The following CCNY variants were observed in gnomAD, a reference collection of about 807,000 sequenced individuals.
CCNY encodes the protein cyclin-Y.
In CCNY, 19 loss-of-function variants were observed where a neutral mutation model predicts 42.8. The ratio of observed to expected loss-of-function variants is 0.44; its 90% CI spans 0.31 to 0.65. The LOEUF (loss-of-function observed/expected upper bound fraction) is 0.65. Ranked by LOEUF, CCNY falls within the 30% of genes least tolerant of loss-of-function variation. The pLI, the probability that CCNY is intolerant of heterozygous loss-of-function variation, is 0.07. For missense variants in CCNY, 370 were observed against 437.3 expected (o/e 0.85, Z 1.37); for synonymous variants, 165 against 162.7 (o/e 1.01, Z -0.11).
chr10:35,534,322 C>T lies in CCNY; in HGVS notation c.579+4079C>T, dbSNP rs112540710. Among the ~76,000 whole-genome samples the T allele has an allele frequency of 3.4e-3, 512 of 152,324 alleles. 4 individuals are homozygous for T. The highest frequency in any genetic ancestry group is 0.012 in the African/African-American group (482 of 41,566). ...CAGGCGTGCGCCACCACACCCAGCCCTGCTTAAGCTTTCTGAAGGGACAGA... is the reference window on the plus strand; with the variant it reads ...CAGGCGTGCGCCACCACACCCAGCCTTGCTTAAGCTTTCTGAAGGGACAGA... On this transcript the variant is annotated intron_variant, in intron 7 of 9. Transcript: ENST00000374704.
At chr10:35,386,541 A>C (rs1837303205) in intron 1 of CCNY, among the ~76,000 whole-genome samples, 1 of 152,318 alleles carries the variant, frequency 6.6e-6, no homozygotes, top group South Asian at 2.1e-4. Context: ...TTATAAAAAT[A>C]CTATACTTTA....
intron 1 of CCNY, among the ~76,000 whole-genome samples, chr10:35,369,641 G>C (rs1836885591): frequency 6.6e-6 from 1 of 152,124 alleles, no homozygotes; most frequent in Non-Finnish European, 1.5e-5. Context: ...ATTTTTATTA[G>C]TGTGCTGAGC....
chr10:35,498,234 C>G (rs1191402007), intron 2 of CCNY, among the ~76,000 whole-genome samples: 1 of 152,166 alleles, frequency 6.6e-6, no homozygotes, highest in Admixed American at 6.5e-5. Context: ...TAAGAAGGCT[C>G]TGCCTGTTAA....
At chr10:35,492,866 G>T (rs1019049120) in intron 2 of CCNY, among the ~76,000 whole-genome samples, 2 of 152,182 alleles carry the variant, frequency 1.3e-5, no homozygotes, top group Admixed American at 6.5e-5. Context: ...GGGACAGGAG[G>T]ATGTAGGTTT....
intron 7 of CCNY, among the ~76,000 whole-genome samples, chr10:35,541,497 A>C (rs907655257): frequency 2.0e-5 from 3 of 152,194 alleles, no homozygotes; most frequent in African/African-American, 7.2e-5. Flanking sequence ...TCCTGTGCTC[A>C]AGTGATCCTG....
intron 1 of CCNY, among the ~76,000 whole-genome samples, chr10:35,482,796 GTGTGTT>G (rs1205005850): frequency 1.6e-5 from 2 of 128,228 alleles, no homozygotes; most frequent in African/African-American, 3.1e-5. Context: ...GTGTGTGTGT[GTGTGTT>G]ATGTGTTTGA....
At chr10:35,456,809 G>C (rs1385638639) in intron 1 of CCNY, among the ~76,000 whole-genome samples, 2 of 152,114 alleles carry the variant, frequency 1.3e-5, no homozygotes, top group Non-Finnish European at 2.9e-5. Context: ...GGAAAATACT[G>C]TAGGTGATTA....
intron 1 of CCNY, among the ~76,000 whole-genome samples, chr10:35,366,531 T>C (rs1836810941): frequency 6.6e-6 from 1 of 152,246 alleles, no homozygotes; most frequent in Non-Finnish European, 1.5e-5. Context: ...AAGTTATTAG[T>C]GCTATCTGTA....
chr10:35,538,610 T>A (rs1840934130), intron 7 of CCNY, among the ~76,000 whole-genome samples: 1 of 152,238 alleles, frequency 6.6e-6, no homozygotes, highest in African/African-American at 2.4e-5. Context: ...CACGTTTTCT[T>A]TGGAGAAGTA....
At chr10:35,324,117 C>G (rs564002840) in intron 3 of CCNY, among the ~76,000 whole-genome samples, 1 of 152,064 alleles carries the variant, frequency 6.6e-6, no homozygotes, top group Non-Finnish European at 1.5e-5. Context: ...CACCTCAAAC[C>G]CAGGAAACGA....
intron 3 of CCNY, among the ~76,000 whole-genome samples, chr10:35,322,234 G>A (rs927873479): frequency 8.6e-5 from 13 of 151,950 alleles, no homozygotes; most frequent in Admixed American, 7.9e-4. Context: ...CTTGCCTCCT[G>A]TAGTCCCAGC....
At chr10:35,358,195 A>G (rs940916378) in intron 1 of CCNY, among the ~76,000 whole-genome samples, 1 of 151,728 alleles carries the variant, frequency 6.6e-6, no homozygotes, top group Non-Finnish European at 1.5e-5. Context: ...TGATACCTAC[A>G]AATGTGACCT....
intron 2 of CCNY, among the ~76,000 whole-genome samples, chr10:35,490,914 G>A (rs1007075072): frequency 6.6e-6 from 1 of 152,306 alleles, no homozygotes. Flanking sequence ...CCATTTGAAG[G>A]TCTCTTTGAA....
chr10:35,443,086 C>T (rs1037275459), intron 1 of CCNY, among the ~76,000 whole-genome samples: 1 of 152,134 alleles, frequency 6.6e-6, no homozygotes, highest in Admixed American at 6.5e-5. Context: ...AATAGTATGC[C>T]TGTTTACCAT....
At chr10:35,510,584 A>G (rs948351323) in intron 3 of CCNY, among the ~76,000 whole-genome samples, 1 of 152,174 alleles carries the variant, frequency 6.6e-6, no homozygotes, top group African/African-American at 2.4e-5. Context: ...ACAGTCATTG[A>G]AAATGGGAAG....
At chr10:35,367,139 T>G (rs148506369) in intron 1 of CCNY, among the ~76,000 whole-genome samples, 38 of 152,382 alleles carry the variant, frequency 2.5e-4, no homozygotes, top group African/African-American at 7.0e-4. Context: ...GGTACCACTT[T>G]AAAACCTGCT....
intron 1 of CCNY, among the ~76,000 whole-genome samples, chr10:35,445,720 G>A (rs1838777426): frequency 6.6e-6 from 1 of 152,098 alleles, no homozygotes; most frequent in Non-Finnish European, 1.5e-5. Flanking sequence ...ATGTGTGTAG[G>A]TGTAGGAAGT....
intron 1 of CCNY, among the ~76,000 whole-genome samples, chr10:35,454,308 C>T (rs879875863): frequency 6.6e-6 from 1 of 152,190 alleles, no homozygotes; most frequent in East Asian, 1.9e-4. Context: ...TCCTGGAAGA[C>T]GCAAAGGCAT....
chr10:35,396,458 G>C (rs933618359), intron 1 of CCNY, among the ~76,000 whole-genome samples: 24 of 152,206 alleles, frequency 1.6e-4, no homozygotes, highest in Admixed American at 7.9e-4. Context: ...TGGAGAATGA[G>C]CCCTCCTTCT....
Sources: gnomAD v4.1 joint callset for allele counts (sites outside exome capture counted in the v4.1 genomes callset) on GRCh38, gnomAD v4.1.1 for gene constraint, MANE v1.5 for transcripts, NCBI Gene and HGNC (gene_info 2026-07-23, HGNC 2026-07-21) for gene names.